Variants in NR2E3 observed in about 807,000 individuals in gnomAD.
NR2E3 encodes the protein nuclear receptor subfamily 2 group E member 3.
Under a neutral mutation model 37.6 loss-of-function variants are expected in NR2E3, and 38 were observed. That is an observed-to-expected ratio of 1.01 (90% CI 0.78 to 1.33). The LOEUF is 1.33. NR2E3 is among the 40% of genes most tolerant of loss of function. The pLI is 0.00. For synonymous variants in NR2E3, 235 were observed against 225.1 expected (o/e 1.04, Z -0.39); for missense variants, 562 against 558.7 (o/e 1.01, Z -0.06).
Position 71,813,864 on chromosome 15 carries a change from C to A in NR2E3, c.995-148C>A. The A allele has an allele frequency of 6.6e-7, 1 of 1,504,220 alleles. No individual in the cohort carries two copies. Among genetic ancestry groups the A allele is most frequent in the Non-Finnish European group, 8.9e-7 (1 of 1,128,866 alleles). The allele number at this position is 1,504,220 out of a possible 1,614,324, so 93.2% of individuals were successfully genotyped here. A position where few individuals can be genotyped will look rare whatever the true frequency, so the allele number is the denominator to read the frequency against. On this transcript the variant is annotated intron_variant, in intron 6 of 7. Coordinates refer to ENST00000617575, the MANE Select transcript of NR2E3 (RefSeq NM_014249.4). This position sits in a 1 kb window ranked among gnomAD's most constrained non-coding sequence, Gnocchi z 4.7. ...GGGAGACCCTGAGCCCCAGCCGGAG[C>A]CCCTGGTGGCTCCTCTGGGCCTGGC... is the stretch of plus-strand genomic sequence containing the variant.
chr15:71,814,685 A>T, intron 7 of NR2E3: 1 of 986,610 alleles, frequency 1.0e-6, no homozygotes, highest in Non-Finnish European at 1.2e-6. Flanking sequence ...GGCAGAGGGC[A>T]GCTACTGCAG....
At chr15:71,814,237 A>G in intron 7 of NR2E3, 120 bp downstream of exon 7, 7 of 1,466,322 alleles carry the variant, frequency 4.8e-6, no homozygotes, top group Non-Finnish European at 6.3e-6. Flanking sequence ...TCAACAGCAT[A>G]CAGCCAACAT....
In NR2E3 at chr15:71,813,601, T is replaced by C. The variant is rs1438011880; in HGVS notation, c.960T>C (p.Phe320=). The C allele has an allele frequency of 6.2e-7, 1 of 1,613,968 alleles. No homozygotes were observed. The highest frequency in any genetic ancestry group is 2.2e-5 in the East Asian group (1 of 44,884). Residue 320 remains phenylalanine (F), a synonymous_variant, in exon 6 of 8, where the codon TTT becomes TTC. Coordinates refer to ENST00000617575, the MANE Select transcript of NR2E3 (RefSeq NM_014249.4). This position sits in a 1 kb window ranked among gnomAD's most constrained non-coding sequence, Gnocchi z 4.7. Reference sequence around the variant, plus strand: ...CATTGGCGGTGGACCCCACGGAGTTTGCCTGCATGAAGGCCTTGGTCCTCT... The same window carrying C: ...CATTGGCGGTGGACCCCACGGAGTTCGCCTGCATGAAGGCCTTGGTCCTCT... The part of the protein sequence containing the change: ...FRALAVDPTE[F]ACMKALVLFK...
intron 7 of NR2E3, 21 bp from the exon 8 acceptor site, chr15:71,817,531 G>A (rs1375273404): frequency 1.3e-6 from 2 of 1,571,326 alleles, no homozygotes; most frequent in Non-Finnish European, 1.7e-6. Context: ...TAAAACTGAT[G>A]GCGTCCTCTC....
chr15:71,810,629 T>G lies in NR2E3; in HGVS notation c.-115T>G. On this transcript the variant is annotated 5_prime_UTR_variant, in exon 1 of 8. Coordinates refer to ENST00000617575, the MANE Select transcript of NR2E3 (RefSeq NM_014249.4). ...GGGCAGCTCCTGAGTTCAGACAGAG[T>G]TCAGGAAGGGAGACAGGGGCACAGA... The G allele has an allele frequency of 1.4e-6, 2 of 1,461,938 alleles. No homozygotes were observed. Among genetic ancestry groups the G allele is most frequent in the East Asian group, 2.5e-5 (1 of 39,460 alleles). 90.6% of individuals were successfully genotyped at this position (1,461,938 alleles called of 1,614,324 possible).
At chr15:71,814,612 G>C (rs1445856022) in intron 7 of NR2E3, 1 of 946,882 alleles carries the variant, frequency 1.1e-6, no homozygotes. Flanking sequence ...AGCCAGAAAA[G>C]TACCCTAGGA....
chr15:71,817,626 G>GC lies in NR2E3; in HGVS notation c.1176dup (p.Lys393GlnfsTer14). ...GAACGCATCGAGCTCCTCTTTTTCC[G>GC]CAAGACCATAGGGAATACTCCAATG... On this transcript the variant is annotated frameshift_variant, in exon 8 of 8. Transcript: ENST00000617575. LOFTEE classifies it high-confidence loss of function. 1 of 1,610,276 alleles carries GC rather than the reference G, an allele frequency of 6.2e-7. No individual in the cohort carries two copies. Among genetic ancestry groups the GC allele is most frequent in the South Asian group, 1.1e-5 (1 of 90,858 alleles).
Position 71,817,774 on chromosome 15 carries a change from G to A in NR2E3, c.*90G>A, listed in dbSNP as rs551802347. 48 of 1,248,002 alleles carry A rather than the reference G, an allele frequency of 3.8e-5. No individual in the cohort carries two copies. Among genetic ancestry groups the A allele is most frequent in the African/African-American group, 2.2e-4 (15 of 67,454 alleles). The allele number at this position is 1,248,002 out of a possible 1,614,324, so 77.3% of individuals were successfully genotyped here. On this transcript the variant is annotated 3_prime_UTR_variant, in exon 8 of 8. Coordinates refer to ENST00000617575, the MANE Select transcript of NR2E3 (RefSeq NM_014249.4). Reference sequence around the variant, plus strand: ...CTACTCTTTGCCCCAGCAATTCCTCGTAGGTGTGTGTACCCAGCAGAAATG... The same window carrying A: ...CTACTCTTTGCCCCAGCAATTCCTCATAGGTGTGTGTACCCAGCAGAAATG...
chr15:71,812,591 C>G, intron 5 of NR2E3, 80 bp downstream of exon 5: 1 of 1,238,032 alleles, frequency 8.1e-7, no homozygotes, highest in Non-Finnish European at 1.1e-6. Context: ...ACAGGGCACA[C>G]ACATCCCCAC....
chr15:71,812,665 G>A (rs1029621844), intron 5 of NR2E3, among the ~76,000 whole-genome samples, 154 bp downstream of exon 5: 2 of 152,150 alleles, frequency 1.3e-5, no homozygotes, highest in Admixed American at 6.5e-5. Context: ...CTGATTCAGC[G>A]ATGGCTGGGG....
chr15:71,810,787 C>T lies in NR2E3; in HGVS notation c.44C>T (p.Ala15Val). 4 of 1,576,474 alleles carry T rather than the reference C, an allele frequency of 2.5e-6. No individual in the cohort carries two copies. Among genetic ancestry groups the T allele is most frequent in the Non-Finnish European group, 3.4e-6 (4 of 1,161,982 alleles). Reference sequence around the variant, plus strand: ...GCTCTGATGAGCTCCACAGTGGCTGCAGCTGCGCCTGCAGCTGGGGCTGCC... The same window carrying T: ...GCTCTGATGAGCTCCACAGTGGCTGTAGCTGCGCCTGCAGCTGGGGCTGCC... ...PTALMSSTVA[A>V]AAPAAGAASR... The change falls in exon 1 of 8, where the codon GCA becomes GTA. Residue 15 changes from alanine (A) to valine (V), a missense_variant. Transcript: ENST00000617575.
chr15:71,817,789 C>T lies in NR2E3; in HGVS notation c.*105C>T. On this transcript the variant is annotated 3_prime_UTR_variant, in exon 8 of 8. Coordinates refer to ENST00000617575, the MANE Select transcript of NR2E3 (RefSeq NM_014249.4). Reference sequence around the variant, plus strand: ...GCAATTCCTCGTAGGTGTGTGTACCCAGCAGAAATGCCCACCGAAAGATAT... The same window carrying T: ...GCAATTCCTCGTAGGTGTGTGTACCTAGCAGAAATGCCCACCGAAAGATAT... The T allele has an allele frequency of 9.8e-7, 1 of 1,024,292 alleles. No homozygotes were observed. Among genetic ancestry groups the T allele is most frequent in the Non-Finnish European group, 1.4e-6 (1 of 713,068 alleles). The allele number at this position is 1,024,292 out of a possible 1,614,324, so 63.5% of individuals were successfully genotyped here. A position where few individuals can be genotyped will look rare whatever the true frequency, so the allele number is the denominator to read the frequency against.
In NR2E3 at chr15:71,811,453, C is replaced by G; in HGVS notation, c.119-30C>G. 6.7e-7 allele frequency: 1 copy of G among 1,492,826 alleles called. No individual in the cohort carries two copies. Among genetic ancestry groups the G allele is most frequent in the Non-Finnish European group, 8.9e-7 (1 of 1,117,374 alleles). The allele number at this position is 1,492,826 out of a possible 1,614,324, so 92.5% of individuals were successfully genotyped here. ...CAGCCCTGCCCCGGCCCAGCCCTGC[C>G]CTGGCCCAGCCCTGCCCCCTGCCCC... is the stretch of plus-strand genomic sequence containing the variant. On this transcript the variant is annotated intron_variant, in intron 1 of 7. Coordinates refer to ENST00000617575, the MANE Select transcript of NR2E3 (RefSeq NM_014249.4). This position sits in a 1 kb window ranked among gnomAD's most constrained non-coding sequence, Gnocchi z 5.6.
Position 71,814,112 on chromosome 15 carries a change from C to T in NR2E3, c.1095C>T (p.Pro365=), listed in dbSNP as rs35004053. 3.2e-3 allele frequency: 5,229 copies of T among 1,610,236 alleles called. 138 individuals carry two copies. In the African/African-American group the frequency reaches 0.059, roughly 18 times the overall value. The part of the protein sequence containing the change: ...QHSKAHHPSQ[P]VRFGKLLLLL... The stretch of plus-strand genomic sequence containing the variant: ...GCAAGGCCCACCACCCCAGCCAGCC[C>T]GTGAGGTGACCTGAGCATGCGCCCA... The change falls in exon 7 of 8, where the codon CCC becomes CCT. Residue 365 remains proline (P), a synonymous_variant. Transcript: ENST00000617575.
In NR2E3 at chr15:71,811,955, C is replaced by T; in HGVS notation, c.350C>T (p.Ala117Val). The T allele has an allele frequency of 6.5e-7, 1 of 1,549,894 alleles. No individual in the cohort carries two copies. The highest frequency in any genetic ancestry group is 8.7e-7 in the Non-Finnish European group (1 of 1,146,632). ...GTCCTGACCCTTCCTGCCTCCCCAG[C>T]CGTGCAGAACGAGCGCCAGCCGCGA... is the stretch of plus-strand genomic sequence containing the variant. ...KCLQAGMNQDAVQNERQPRST... is the reference protein window; with the variant it reads ...KCLQAGMNQDVVQNERQPRST... The change falls in exon 4 of 8, where the codon GCC (alanine) becomes GTC (valine). Residue 117 changes from alanine to valine, a missense_variant and splice_region_variant. Ala to Val is a moderately conservative substitution (Grantham distance 64, BLOSUM62 0). Coordinates refer to ENST00000617575, the MANE Select transcript of NR2E3 (RefSeq NM_014249.4). This position sits in a 1 kb window ranked among gnomAD's most constrained non-coding sequence, Gnocchi z 5.6.
At chr15:71,815,827 T>C (rs1036569812) in intron 7 of NR2E3, among the ~76,000 whole-genome samples, 1 of 152,236 alleles carries the variant, frequency 6.6e-6, no homozygotes, top group Non-Finnish European at 1.5e-5. Flanking sequence ...AAAAGGCTGA[T>C]TGTGACCCCC....
At chr15:71,814,206 A>G in intron 7 of NR2E3, 89 bp downstream of exon 7, 2 of 1,505,192 alleles carry the variant, frequency 1.3e-6, no homozygotes, top group Non-Finnish European at 1.8e-6. Context: ...CTCACTGATT[A>G]GACAGCACAA....
chr15:71,810,605 G>A lies in NR2E3; in HGVS notation c.-139G>A, dbSNP rs138513681. 9,658 of 1,337,828 alleles carry A rather than the reference G, an allele frequency of 7.2e-3. 73 individuals are homozygous for A. The highest frequency in any genetic ancestry group is 0.013 in the Middle Eastern group (51 of 3,816). 82.9% of individuals were successfully genotyped at this position (1,337,828 alleles called of 1,614,324 possible). A position where few individuals can be genotyped will look rare whatever the true frequency, so the allele number is the denominator to read the frequency against. On this transcript the variant is annotated 5_prime_UTR_variant, in exon 1 of 8. Transcript: ENST00000617575. ...GCTGTGAGGGGCTTCGGGACCTTGG[G>A]GCAGCTCCTGAGTTCAGACAGAGTT...
rs2140295179 is a variant in NR2E3 at position 71,817,814 on chromosome 15, T to C, written c.*130T>C. The C allele has an allele frequency of 4.1e-6, 3 of 736,242 alleles. No individual in the cohort carries two copies. The highest frequency in any genetic ancestry group is 2.7e-5 in the Admixed American group (1 of 37,626). The allele number at this position is 736,242 out of a possible 1,614,324, so 45.6% of individuals were successfully genotyped here. A position where few individuals can be genotyped will look rare whatever the true frequency, so the allele number is the denominator to read the frequency against. On this transcript the variant is annotated 3_prime_UTR_variant, in exon 8 of 8. Transcript: ENST00000617575. ...CAGCAGAAATGCCCACCGAAAGATA[T>C]TGTAAGAATATTCATAGCAGCTTTA...
Sources: allele counts gnomAD v4.1 joint callset (sites outside exome capture counted in the v4.1 genomes callset), GRCh38; gene constraint gnomAD v4.1.1; non-coding constraint Gnocchi (gnomAD v3.1); transcripts MANE v1.5; gene names NCBI Gene and HGNC (gene_info 2026-07-23, HGNC 2026-07-21).